The following DOCK2 variants were observed in gnomAD, a reference collection of about 807,000 sequenced individuals.
DOCK2 encodes dedicator of cytokinesis 2, also known as dedicator of cytokinesis protein 2.
A neutral mutation model predicts 248.9 loss-of-function variants in DOCK2; 87 were observed. The observed-to-expected ratio is 0.35, with a 90% confidence interval of 0.29 to 0.42. The LOEUF is 0.42. DOCK2 is among the 10% of genes least tolerant of loss of function. The pLI is 1.00. For missense variants in DOCK2, 1,747 were observed against 2,300.2 expected (o/e 0.76, Z 4.92); for synonymous variants, 805 against 821.6 (o/e 0.98, Z 0.35).
chr5:169,738,750 T>C (rs1029675065), intron 22 of DOCK2, among the ~76,000 whole-genome samples: 5 of 152,180 alleles, frequency 3.3e-5, no homozygotes, highest in African/African-American at 1.2e-4. Context: ...TCCTGGAGAA[T>C]TACCTCAATG....
At chr5:169,804,167 G>A (rs548344392) in intron 26 of DOCK2, among the ~76,000 whole-genome samples, 2 of 152,220 alleles carry the variant, frequency 1.3e-5, no homozygotes, top group East Asian at 3.9e-4. Flanking sequence ...GCAGAGCAAT[G>A]TTCCTTTACT....
intron 33 of DOCK2, among the ~76,000 whole-genome samples, chr5:170,021,743 GC>G (rs1427047031): frequency 6.6e-6 from 1 of 152,178 alleles, no homozygotes; most frequent in Non-Finnish European, 1.5e-5. Context: ...CAGCTGGCGT[GC>G]TTCATAGGAG....
intron 27 of DOCK2, chr5:169,882,919 G>A (rs1388196619): frequency 6.4e-7 from 1 of 1,552,040 alleles, no homozygotes; most frequent in South Asian, 1.2e-5. Flanking sequence ...AGGACAGTCT[G>A]AGGCTCTTCC....
chr5:169,829,524 G>GAC (rs1436815104), intron 26 of DOCK2, among the ~76,000 whole-genome samples: 1 of 152,194 alleles, frequency 6.6e-6, no homozygotes, highest in Non-Finnish European at 1.5e-5. Context: ...GATTGCTGCA[G>GAC]GGCCATTTGT....
At chr5:169,811,283 G>A (rs866484117) in intron 26 of DOCK2, among the ~76,000 whole-genome samples, 3 of 152,186 alleles carry the variant, frequency 2.0e-5, no homozygotes, top group Admixed American at 6.5e-5. Flanking sequence ...ATAAACCTAG[G>A]CAGTTTGCCT....
chr5:169,665,324 C>A lies in DOCK2; in HGVS notation c.128-3964C>A, dbSNP rs546168881. ...TCTATATATGTTTATATATAAGTAT[C>A]AGCATATCTATATATGTTTATATAT... is the stretch of plus-strand genomic sequence containing the variant. On this transcript the variant is annotated intron_variant, in intron 2 of 51. Transcript: ENST00000520908. Among the ~76,000 whole-genome samples, 26 of 144,278 alleles carry A rather than the reference C, an allele frequency of 1.8e-4. No individual in the cohort carries two copies. In the East Asian group the frequency reaches 4.5e-3, roughly 25 times the overall value. The allele number at this position is 144,278 out of a possible 152,430, so 94.7% of individuals were successfully genotyped here. A position where few individuals can be genotyped will look rare whatever the true frequency, so the allele number is the denominator to read the frequency against.
chr5:169,979,372 A>T (rs1046259309), intron 27 of DOCK2, among the ~76,000 whole-genome samples: 8 of 152,358 alleles, frequency 5.3e-5, no homozygotes, highest in African/African-American at 9.6e-5. Context: ...ACTTGTACAG[A>T]GGGGCAGGAC....
chr5:170,010,220 CA>C (rs1376251293), intron 32 of DOCK2, among the ~76,000 whole-genome samples: 1 of 152,178 alleles, frequency 6.6e-6, no homozygotes, highest in Non-Finnish European at 1.5e-5. Context: ...TTATGACAAC[CA>C]AAAAGGTCTC....
chr5:170,017,132 T>A (rs1192728283), intron 32 of DOCK2, among the ~76,000 whole-genome samples: 3 of 152,090 alleles, frequency 2.0e-5, no homozygotes, highest in Non-Finnish European at 4.4e-5. Flanking sequence ...TTAAGCCTCA[T>A]TTAGGTTGAA....
chr5:169,675,858 G>T (rs1759305527), intron 6 of DOCK2, among the ~76,000 whole-genome samples: 1 of 152,226 alleles, frequency 6.6e-6, no homozygotes, highest in African/African-American at 2.4e-5. Context: ...CCAACTCACA[G>T]CTGGTCTCCA....
At chr5:169,727,781 G>GA (rs202082671) in intron 22 of DOCK2, among the ~76,000 whole-genome samples, 7 of 150,890 alleles carry the variant, frequency 4.6e-5, no homozygotes, top group Admixed American at 2.6e-4. Flanking sequence ...TGCTTAAAAT[G>GA]AAAAAAAAAA....
intron 35 of DOCK2, 145 bp downstream of exon 35, chr5:170,034,700 C>T (rs3763049): frequency 0.35 from 403,592 of 1,160,782 alleles, 75,666 homozygotes; most frequent in African/African-American, 0.61. Context: ...ACGTCTGCTG[C>T]GCTTTCTGCT....
At chr5:169,653,824 GA>G (rs760992439) in intron 1 of DOCK2, among the ~76,000 whole-genome samples, 29 of 152,226 alleles carry the variant, frequency 1.9e-4, no homozygotes, top group Non-Finnish European at 2.6e-4. Flanking sequence ...ACTGGTTATG[GA>G]GCATTACAAC....
chr5:169,944,990 A>G (rs1037395592), intron 27 of DOCK2, among the ~76,000 whole-genome samples: 13 of 152,166 alleles, frequency 8.5e-5, no homozygotes, highest in Non-Finnish European at 1.5e-4. Flanking sequence ...AATGGCTGGC[A>G]AATACCTCTA....
Position 169,804,437 on chromosome 5 carries a change from AGTGTGTGTGTGT to A in DOCK2, c.2703+1269_2703+1280del, listed in dbSNP as rs55660700. Among the ~76,000 whole-genome samples the A allele has an allele frequency of 9.0e-3, 1,215 of 134,648 alleles. 19 individuals carry two copies. Among genetic ancestry groups the A allele is most frequent in the African/African-American group, 0.03 (1,043 of 35,352 alleles). The allele number at this position is 134,648 out of a possible 152,430, so 88.3% of individuals were successfully genotyped here. A position where few individuals can be genotyped will look rare whatever the true frequency, so the allele number is the denominator to read the frequency against. ...CATATTTGGGGTACAAGAGCTACAA[AGTGTGTGTGTGT>A]GTGTGTGTGTGTGTGTGTGTGTGTG... On this transcript the variant is annotated intron_variant, in intron 26 of 51. Transcript: ENST00000520908.
At chr5:170,018,308 T>C (rs942787342) in intron 32 of DOCK2, among the ~76,000 whole-genome samples, 5 of 152,094 alleles carry the variant, frequency 3.3e-5, no homozygotes, top group African/African-American at 4.8e-5. Flanking sequence ...AGGGGCATAA[T>C]GTGCACAAGC....
chr5:169,752,460 T>C (rs552321737), intron 23 of DOCK2, among the ~76,000 whole-genome samples: 2 of 152,180 alleles, frequency 1.3e-5, no homozygotes, highest in African/African-American at 4.8e-5. Flanking sequence ...TGAATATGGC[T>C]GGGTGCAATG....
intron 23 of DOCK2, among the ~76,000 whole-genome samples, chr5:169,749,492 G>C (rs1196481592): frequency 2.6e-5 from 4 of 152,126 alleles, no homozygotes; most frequent in African/African-American, 7.2e-5. Flanking sequence ...TCATTTATTA[G>C]TTGATGCTTA....
intron 27 of DOCK2, among the ~76,000 whole-genome samples, chr5:169,970,339 A>G (rs1013575292): frequency 2.0e-4 from 31 of 152,256 alleles, no homozygotes; most frequent in African/African-American, 7.5e-4. Context: ...AAAAGTAAAG[A>G]AGAATGTATT....
Sources: allele counts gnomAD v4.1 joint callset (sites outside exome capture counted in the v4.1 genomes callset), GRCh38; gene constraint gnomAD v4.1.1; transcripts MANE v1.5; gene names NCBI Gene and HGNC (gene_info 2026-07-23, HGNC 2026-07-21).